Variants in PHGDH observed in about 807,000 individuals in gnomAD.
PHGDH encodes the protein D-3-phosphoglycerate dehydrogenase.
Under a neutral mutation model 52.6 loss-of-function variants are expected in PHGDH, and 50 were observed. The observed-to-expected ratio is 0.95, with a 90% CI of 0.76 to 1.20. The LOEUF (loss-of-function observed/expected upper bound fraction) is 1.20. Among genes scored for constraint, PHGDH ranks in the 50% most tolerant of loss-of-function variants. The probability of loss-of-function intolerance (pLI) is 0.00; values close to 1 mark genes in which losing one functional copy is unlikely to be tolerated. For synonymous variants in PHGDH, 271 were observed against 280.5 expected, an observed-to-expected ratio of 0.97 and a Z score of 0.34; for missense variants, 630 against 684.6, an observed-to-expected ratio of 0.92 and a Z score of 0.89.
intron 8 of PHGDH, among the ~76,000 whole-genome samples, chr1:119,737,886 T>A (rs1652015584): frequency 6.6e-6 from 1 of 152,198 alleles, no homozygotes; most frequent in African/African-American, 2.4e-5. Flanking sequence ...GGATATTCCT[T>A]AAGTTTCACT....
At chr1:119,739,856 C>A in intron 8 of PHGDH, 1 of 162,350 alleles carries the variant, frequency 6.2e-6, no homozygotes, top group Admixed American at 5.9e-5. Flanking sequence ...ACATGCCTCA[C>A]AGTGGACTTC....
intron 6 of PHGDH, 31 bp from the exon 7 acceptor site, chr1:119,735,264 C>T (rs972571179): frequency 6.2e-7 from 1 of 1,613,792 alleles, no homozygotes; most frequent in Non-Finnish European, 8.5e-7. Context: ...CTGGTGCTGC[C>T]CCAGCAGGAA....
chr1:119,712,123 A>C lies in PHGDH; in HGVS notation c.101A>C (p.Gln34Pro). 1.2e-6 allele frequency: 2 copies of C among 1,614,192 alleles called. No individual in the cohort carries two copies. Among genetic ancestry groups the C allele is most frequent in the Non-Finnish European group, 1.7e-6 (2 of 1,180,002 alleles). The change falls in exon 1 of 12, where the codon CAG (glutamine) becomes CCG (proline). Residue 34 changes from glutamine (Q) to proline (P), a missense_variant. Transcript: ENST00000641023. ...QDGGLQVVEK[Q>P]NLSKEELIAE... Reference sequence around the variant, plus strand: ...GGAGGGCTGCAGGTGGTGGAAAAGCAGAACCTTAGCAAAGAGGAGCTGATA... The same window carrying C: ...GGAGGGCTGCAGGTGGTGGAAAAGCCGAACCTTAGCAAAGAGGAGCTGATA...
At position 119,741,803 on chromosome 1, in the gene PHGDH, C is replaced by T. The variant is rs1232250120; in HGVS notation, c.1115C>T (p.Pro372Leu). The T allele has an allele frequency of 3.1e-6, 5 of 1,612,910 alleles. No homozygotes were observed. Among genetic ancestry groups the T allele is most frequent in the Non-Finnish European group, 4.2e-6 (5 of 1,178,884 alleles). ...AAGAATGCTGGGAACTGCCTAAGCC[C>T]CGCAGTCATTGTCGGCCTCCTGAAA... ...SLKNAGNCLS[P>L]AVIVGLLKEA... is the part of the protein sequence containing the mutation. The change falls in exon 10 of 12, where the codon CCC becomes CTC. Residue 372 changes from proline to leucine, a missense_variant. Pro to Leu is a moderately conservative substitution (Grantham distance 98). Transcript: ENST00000641023.
At chr1:119,723,096 G>T (rs1309479035) in intron 2 of PHGDH, among the ~76,000 whole-genome samples, 4 of 152,170 alleles carry the variant, frequency 2.6e-5, no homozygotes, top group Non-Finnish European at 5.9e-5. Context: ...GATCATGTGA[G>T]ACACTTCTCT....
At chr1:119,723,763 G>A (rs587751604) in intron 3 of PHGDH, among the ~76,000 whole-genome samples, 1 of 151,760 alleles carries the variant, frequency 6.6e-6, no homozygotes, top group Admixed American at 6.5e-5. Flanking sequence ...TAACAAGGAA[G>A]GATGTTCCAG....
At chr1:119,722,708 C>T (rs1017263473) in intron 2 of PHGDH, among the ~76,000 whole-genome samples, 2 of 150,870 alleles carry the variant, frequency 1.3e-5, no homozygotes, top group African/African-American at 4.9e-5. Flanking sequence ...AAAGTGAGAC[C>T]CCCATCTCTA....
At chr1:119,741,696 C>T (rs1046511088) in intron 9 of PHGDH, 71 bp from the exon 10 acceptor site, 6 of 1,404,542 alleles carry the variant, frequency 4.3e-6, no homozygotes, top group Middle Eastern at 1.7e-4. Flanking sequence ...AGCTAGGTGC[C>T]AGTGGCTTCC....
chr1:119,721,321 A>G lies in PHGDH; in HGVS notation c.290A>G (p.Asn97Ser). The G allele has an allele frequency of 6.2e-7, 1 of 1,613,770 alleles. No homozygotes were observed. Among genetic ancestry groups the G allele is most frequent in the Non-Finnish European group, 8.5e-7 (1 of 1,179,858 alleles). The stretch of plus-strand genomic sequence containing the variant: ...ACAAGGAAGGGCATCTTGGTTATGA[A>G]GTAAGTCATGGAGGCTGCGGGCGGT... The part of the protein sequence containing the change: ...AATRKGILVM[N>S]TPNGNSLSAA... Residue 97 changes from asparagine (N) to serine (S), a missense_variant and splice_region_variant, in exon 2 of 12, where the codon AAC becomes AGC. Physicochemically the swap from Asn to Ser is conservative, Grantham distance 46 (BLOSUM62 1). Coordinates refer to ENST00000641023, the MANE Select transcript of PHGDH (RefSeq NM_006623.4).
At chr1:119,731,591 G>T (rs587775689) in intron 5 of PHGDH, among the ~76,000 whole-genome samples, 1 of 152,198 alleles carries the variant, frequency 6.6e-6, no homozygotes, top group African/African-American at 2.4e-5. Context: ...GAGGTCTACT[G>T]TGTCGGTTCC....
intron 5 of PHGDH, among the ~76,000 whole-genome samples, chr1:119,734,073 GTCC>G (rs918839176): frequency 1.9e-4 from 29 of 152,294 alleles, no homozygotes; most frequent in African/African-American, 6.5e-4. Context: ...TACCCCTGTT[GTCC>G]TCCTCCTTCG....
rs777871013 is a variant in PHGDH, at chr1:119,737,274, T to TCCTGG, written c.945+9_945+10insCTGGC. 7.5e-5 allele frequency: 120 copies of TCCTGG among 1,610,574 alleles called. 1 individual carries two copies. Among genetic ancestry groups the TCCTGG allele is most frequent in the Middle Eastern group, 1.6e-4 (1 of 6,078 alleles). ...AAATCTCTCACGGGGGTTGTAAGTA[T>TCCTGG]CACCACCTGGGGCTGGGGGCCAGGA... is the stretch of plus-strand genomic sequence containing the variant. On this transcript the variant is annotated intron_variant, in intron 8 of 11. Transcript: ENST00000641023.
At chr1:119,737,302 C>T (rs369416751) in intron 8 of PHGDH, 36 bp downstream of exon 8, 1 of 1,583,638 alleles carries the variant, frequency 6.3e-7, no homozygotes. Flanking sequence ...GGCCAGGAGT[C>T]AGAGGGAGGA....
chr1:119,737,366 G>C, intron 8 of PHGDH, 100 bp downstream of exon 8: 7 of 1,027,810 alleles, frequency 6.8e-6, no homozygotes, highest in South Asian at 1.5e-5. Flanking sequence ...AATAGATTCA[G>C]CCCTGGGAGC....
At chr1:119,732,364 G>A (rs1215056459) in intron 5 of PHGDH, among the ~76,000 whole-genome samples, 1 of 152,188 alleles carries the variant, frequency 6.6e-6, no homozygotes, top group Non-Finnish European at 1.5e-5. Flanking sequence ...TTGAGGTGAG[G>A]GAACCCCTTC....
intron 10 of PHGDH, chr1:119,742,595 C>T (rs1571020317): frequency 3.3e-6 from 2 of 611,712 alleles, no homozygotes; most frequent in Non-Finnish European, 5.9e-6. Flanking sequence ...TCTCTTTGCC[C>T]TCCCTTTAAG....
At chr1:119,714,363 C>A (rs1296567837) in intron 1 of PHGDH, 2 of 152,162 alleles carry the variant, frequency 1.3e-5, no homozygotes, top group African/African-American at 4.8e-5. Flanking sequence ...AATCATTCCT[C>A]CCTGCCCTTT....
intron 7 of PHGDH, among the ~76,000 whole-genome samples, chr1:119,736,665 A>G (rs900356689): frequency 2.0e-5 from 3 of 152,250 alleles, no homozygotes; most frequent in African/African-American, 7.2e-5. Flanking sequence ...AGCAAGGCAC[A>G]TCGACAGCAA....
chr1:119,742,058 A>G, intron 10 of PHGDH, 161 bp downstream of exon 10: 1 of 672,194 alleles, frequency 1.5e-6, no homozygotes, highest in Admixed American at 2.1e-5. Context: ...TGCAAAATGA[A>G]GATACTGCCT....
Sources: allele counts gnomAD v4.1 joint callset (sites outside exome capture counted in the v4.1 genomes callset), GRCh38; gene constraint gnomAD v4.1.1; transcripts MANE v1.5; gene names NCBI Gene and HGNC (gene_info 2026-07-23, HGNC 2026-07-21).